TTLL12: variants seen among roughly 807,000 people sequenced by gnomAD.
The protein encoded by TTLL12 is tubulin tyrosine ligase like 12.
In TTLL12, 77 loss-of-function variants were observed where a neutral mutation model predicts 79.6. That is an observed-to-expected ratio of 0.97 (90% CI 0.81 to 1.17). The LOEUF (loss-of-function observed/expected upper bound fraction) is 1.17. TTLL12 is among the 50% of genes most tolerant of loss of function. The pLI, the probability that TTLL12 is intolerant of heterozygous loss-of-function variation, is 0.00. For synonymous variants in TTLL12, 437 were observed against 376.1 expected (o/e 1.16, Z -1.87); for missense variants, 969 against 895.9 (o/e 1.08, Z -1.04).
intron 1 of TTLL12, among the ~76,000 whole-genome samples, chr22:43,183,769 T>C (rs1475792479): frequency 6.6e-6 from 1 of 152,220 alleles, no homozygotes; most frequent in African/African-American, 2.4e-5. Flanking sequence ...TCTTCTGGTG[T>C]GTGTGGAGCA....
intron 11 of TTLL12, 60 bp from the exon 12 acceptor site, chr22:43,169,628 C>A: frequency 6.4e-7 from 1 of 1,564,126 alleles, no homozygotes; most frequent in Non-Finnish European, 8.7e-7. Flanking sequence ...CGGGAGCAGG[C>A]AGCCTGCTAC....
chr22:43,179,908 G>T lies in TTLL12; in HGVS notation c.639C>A (p.Pro213=). The part of the protein sequence containing the change: ...HADVPSFATA[P]FFYMPQQVAY... ...CCACCTGCTGCGGCATGTAGAAGAA[G>T]GGTGCCGTGGCGAAGCTGGGCACGT... The change falls in exon 4 of 14, where the codon CCC becomes CCA. Residue 213 remains proline, a synonymous_variant. Coordinates refer to ENST00000216129, the MANE Select transcript of TTLL12 (RefSeq NM_015140.4). 1 of 1,611,076 alleles carries T rather than the reference G, an allele frequency of 6.2e-7. No individual in the cohort carries two copies. The highest frequency in any genetic ancestry group is 8.5e-7 in the Non-Finnish European group (1 of 1,179,898).
intron 2 of TTLL12, 115 bp downstream of exon 2, chr22:43,182,865 G>C: frequency 7.2e-7 from 1 of 1,390,964 alleles, no homozygotes; most frequent in South Asian, 1.4e-5. Flanking sequence ...TTGCCACAAA[G>C]CTGTCCTAAG....
chr22:43,184,411 G>A (rs1315859135), intron 1 of TTLL12, among the ~76,000 whole-genome samples: 5 of 152,240 alleles, frequency 3.3e-5, no homozygotes. Context: ...GGCCTGGAGG[G>A]CCTGGGAAGA....
rs538850824 is a variant in TTLL12, at chr22:43,176,305, G to T, written c.917+15C>A. ...GGACAAGTCCCAGCCCAAGCAGTGG[G>T]GGGGGGCTACGCACTTGAAGATGTG... is the stretch of plus-strand genomic sequence containing the variant. On this transcript the variant is annotated intron_variant, in intron 6 of 13. Coordinates refer to ENST00000216129, the MANE Select transcript of TTLL12 (RefSeq NM_015140.4). The T allele has an allele frequency of 2.4e-5, 38 of 1,572,682 alleles. No individual in the cohort carries two copies. Among genetic ancestry groups the T allele is most frequent in the East Asian group, 2.3e-4 (10 of 44,002 alleles).
intron 5 of TTLL12, among the ~76,000 whole-genome samples, chr22:43,178,477 A>G (rs1931970788): frequency 6.6e-6 from 1 of 152,022 alleles, no homozygotes; most frequent in Non-Finnish European, 1.5e-5. Flanking sequence ...GCCCGCCACC[A>G]CGCCCAGCTA....
chr22:43,166,940 A>G lies in TTLL12; in HGVS notation c.*1068T>C. On this transcript the variant is annotated 3_prime_UTR_variant, in exon 14 of 14. Coordinates refer to ENST00000216129, the MANE Select transcript of TTLL12 (RefSeq NM_015140.4). ...GGAAGTAGCTCTCGCCTGCCTGGGC[A>G]GTTAGGTCCACCCACTGCCCGTGAG... 6.7e-6 allele frequency: 2 copies of G among 297,612 alleles called. 1 individual carries two copies. Among genetic ancestry groups the G allele is most frequent in the South Asian group, 6.0e-5 (2 of 33,496 alleles). The allele number at this position is 297,612 out of a possible 1,614,324, so 18.4% of individuals were successfully genotyped here.
In TTLL12 at chr22:43,180,851, G is replaced by C. The variant is rs1833914806; in HGVS notation, c.437C>G (p.Ala146Gly). ...QQVPGLLHRMANLMGIEFHGE... is the reference protein window; with the variant it reads ...QQVPGLLHRMGNLMGIEFHGE... ...GTGGAACTCAATGCCCATCAGGTTG[G>C]CCATGCGGTGCAGCAGCCCGGGCAC... The change falls in exon 3 of 14, where the codon GCC (alanine) becomes GGC (glycine). Residue 146 changes from alanine to glycine, a missense_variant. Ala to Gly is a moderately conservative substitution (Grantham distance 60). Transcript: ENST00000216129. 1 of 1,612,960 alleles carries C rather than the reference G, an allele frequency of 6.2e-7. No individual in the cohort carries two copies. Among genetic ancestry groups the C allele is most frequent in the African/African-American group, 1.3e-5 (1 of 74,936 alleles).
At chr22:43,186,199 C>CCCG (rs1555982142) in intron 1 of TTLL12, among the ~76,000 whole-genome samples, 2,222 of 148,014 alleles carry the variant, frequency 0.015, 128 homozygotes, top group Non-Finnish European at 0.023. Flanking sequence ...ACCCCCCCCC[C>CCCG]CGCCAGCCCG....
At chr22:43,174,129 T>C in intron 8 of TTLL12, 80 bp downstream of exon 8, 1 of 1,516,496 alleles carries the variant, frequency 6.6e-7, no homozygotes, top group Non-Finnish European at 8.9e-7. Flanking sequence ...CAGTGGGTGC[T>C]CATGGAGGAG....
intron 3 of TTLL12, among the ~76,000 whole-genome samples, 163 bp downstream of exon 3, chr22:43,180,579 C>G (rs952541799): frequency 6.6e-6 from 1 of 152,140 alleles, no homozygotes; most frequent in African/African-American, 2.4e-5. Context: ...GCTCAGAGGC[C>G]AGCTGGGTCC....
rs1454338928 is a variant in TTLL12 at position 43,167,284 on chromosome 22, A to G, written c.*724T>C. The G allele has an allele frequency of 8.2e-6, 4 of 486,598 alleles. No homozygotes were observed. Among genetic ancestry groups the G allele is most frequent in the African/African-American group, 3.9e-5 (2 of 50,734 alleles). The allele number at this position is 486,598 out of a possible 1,614,324, so 30.1% of individuals were successfully genotyped here. A position where few individuals can be genotyped will look rare whatever the true frequency, so the allele number is the denominator to read the frequency against. On this transcript the variant is annotated 3_prime_UTR_variant, in exon 14 of 14. Coordinates refer to ENST00000216129, the MANE Select transcript of TTLL12 (RefSeq NM_015140.4). The stretch of plus-strand genomic sequence containing the variant: ...CCCGGCGAGCAGGGCAACCACTGGG[A>G]AGACAGATACTGATTTCCCTGTTGG...
rs148175933 is a variant in TTLL12 at position 43,179,948 on chromosome 22, C to T, written c.599G>A (p.Arg200Gln). The T allele has an allele frequency of 2.0e-5, 33 of 1,610,346 alleles. No individual in the cohort carries two copies. The highest frequency in any genetic ancestry group is 1.3e-4 in the African/African-American group (10 of 74,916). ...GCTGGGCACGTCCGCGTGCTGGATC[C>T]GCGAACCGAACTCGTCCATGATATA... ...VWYIMDEFGS[R>Q]IQHADVPSFA... The change falls in exon 4 of 14, where the codon CGG (arginine) becomes CAG (glutamine). Residue 200 changes from arginine (R) to glutamine (Q), a missense_variant. By Grantham distance (43) the Arg-to-Gln change is conservative. Coordinates refer to ENST00000216129, the MANE Select transcript of TTLL12 (RefSeq NM_015140.4).
Position 43,171,837 on chromosome 22 carries a change from C to G in TTLL12, c.1557G>C (p.Pro519=). 1 of 1,614,122 alleles carries G rather than the reference C, an allele frequency of 6.2e-7. No individual in the cohort carries two copies. Among genetic ancestry groups the G allele is most frequent in the Non-Finnish European group, 8.5e-7 (1 of 1,179,976 alleles). The change falls in exon 11 of 14, where the codon CCG becomes CCC. Residue 519 remains proline, a synonymous_variant. Transcript: ENST00000216129. ...EKHFTVMNYD[P]DVVLKQVHCE... ...GCCCTACCTGCTTCAGCACCACATCCGGGTCATAGTTCATGACCGTGAAGT... is the reference window on the plus strand; with the variant it reads ...GCCCTACCTGCTTCAGCACCACATCGGGGTCATAGTTCATGACCGTGAAGT...
chr22:43,170,769 C>T (rs1045193108), intron 11 of TTLL12, among the ~76,000 whole-genome samples: 7 of 152,062 alleles, frequency 4.6e-5, no homozygotes, highest in South Asian at 2.1e-4. Context: ...AAAAATTAGC[C>T]GGGCGTGGAG....
intron 12 of TTLL12, 106 bp downstream of exon 12, chr22:43,169,394 G>A (rs536567526): frequency 1.0e-6 from 1 of 994,152 alleles, no homozygotes; most frequent in African/African-American, 1.6e-5. Flanking sequence ...GGGGACAAAG[G>A]TCCCTCCCAG....
chr22:43,182,867 T>C (rs1932092186), intron 2 of TTLL12, 113 bp downstream of exon 2: 14 of 1,399,232 alleles, frequency 1.0e-5, no homozygotes, highest in Non-Finnish European at 1.3e-5. Context: ...GCCACAAAGC[T>C]GTCCTAAGGA....
Position 43,187,022 on chromosome 22 carries a change from G to T in TTLL12, c.48C>A (p.Ser16Arg). ...CGCCCTCCTCCGGCGTCTGGCCCGG[G>T]CTGCTACGCTCCGCAGGCCGGCGCT... is the stretch of plus-strand genomic sequence containing the variant. The part of the protein sequence containing the change: ...GPERRPAERS[S>R]PGQTPEEGAQ... The change falls in exon 1 of 14, where the codon AGC (serine) becomes AGA (arginine). Residue 16 changes from serine (S) to arginine (R), a missense_variant. Ser to Arg is a moderately radical substitution (Grantham distance 110). Coordinates refer to ENST00000216129, the MANE Select transcript of TTLL12 (RefSeq NM_015140.4). 3 of 1,229,546 alleles carry T rather than the reference G, an allele frequency of 2.4e-6. No individual in the cohort carries two copies. The highest frequency in any genetic ancestry group is 3.1e-6 in the Non-Finnish European group (3 of 983,400). The allele number at this position is 1,229,546 out of a possible 1,614,324, so 76.2% of individuals were successfully genotyped here.
intron 1 of TTLL12, 70 bp downstream of exon 1, chr22:43,186,823 G>C: frequency 4.9e-6 from 6 of 1,223,302 alleles, no homozygotes; most frequent in Non-Finnish European, 5.1e-6. Context: ...GCTCTTCCCT[G>C]TCCCGCGCCG....
Sources: allele counts gnomAD v4.1 joint callset (sites outside exome capture counted in the v4.1 genomes callset), GRCh38; gene constraint gnomAD v4.1.1; transcripts MANE v1.5; gene names NCBI Gene and HGNC (gene_info 2026-07-23, HGNC 2026-07-21).